The following C7orf78 variants were observed in gnomAD, a reference collection of about 807,000 sequenced individuals.
C7orf78 encodes the protein putative uncharacterized protein C7orf78.
the C7orf78 span, among the ~76,000 whole-genome samples, chr7:12,520,207 T>C: frequency 6.6e-6 from 1 of 152,230 alleles, no homozygotes; most frequent in Non-Finnish European, 1.5e-5. Flanking sequence ...ATTTCTCTTT[T>C]GGACTCCGGT....
the C7orf78 span, among the ~76,000 whole-genome samples, chr7:12,506,360 C>T: frequency 8.4e-6 from 1 of 119,498 alleles, no homozygotes; most frequent in Non-Finnish European, 1.8e-5. Flanking sequence ...TATTACGGCA[C>T]TATTCACAAT....
At chr7:12,510,530 C>G in the C7orf78 span, among the ~76,000 whole-genome samples, 3 of 152,294 alleles carry the variant, frequency 2.0e-5, no homozygotes, top group African/African-American at 7.2e-5. Flanking sequence ...TTCTCACCAA[C>G]AGTGTATACA....
the C7orf78 span, among the ~76,000 whole-genome samples, chr7:12,499,475 G>C: frequency 8.0e-4 from 119 of 148,438 alleles, no homozygotes; most frequent in Non-Finnish European, 1.3e-3. Flanking sequence ...GATCAAAAGA[G>C]ACAAAGAAGG....
chr7:12,530,863 C>T, the C7orf78 span: 120 of 390,788 alleles, frequency 3.1e-4, 2 homozygotes, highest in African/African-American at 2.2e-3. Flanking sequence ...GCTTCGTAAG[C>T]CCTTTATGTC....
chr7:12,509,890 C>G, the C7orf78 span, among the ~76,000 whole-genome samples: 1 of 151,942 alleles, frequency 6.6e-6, no homozygotes, highest in South Asian at 2.1e-4. Context: ...AAAAATTAGC[C>G]GGGCGTGGTG....
the C7orf78 span, among the ~76,000 whole-genome samples, chr7:12,524,088 T>A: frequency 6.6e-6 from 1 of 152,140 alleles, no homozygotes; most frequent in Non-Finnish European, 1.5e-5. Flanking sequence ...GATAAAAGAA[T>A]AAGTGTATTC....
the C7orf78 span, among the ~76,000 whole-genome samples, chr7:12,519,782 A>G: frequency 2.9e-4 from 44 of 152,272 alleles, no homozygotes; most frequent in Middle Eastern, 3.4e-3. Flanking sequence ...GGCTCAGCCA[A>G]TGCTGTGCCT....
the C7orf78 span, among the ~76,000 whole-genome samples, chr7:12,489,848 C>A: frequency 6.6e-6 from 1 of 151,854 alleles, no homozygotes; most frequent in Middle Eastern, 3.4e-3. Flanking sequence ...AGTAATGAAG[C>A]TGGCAGGAGA....
the C7orf78 span, among the ~76,000 whole-genome samples, chr7:12,511,378 G>A: frequency 5.3e-5 from 8 of 151,990 alleles, no homozygotes; most frequent in Admixed American, 2.0e-4. Flanking sequence ...ATCTTTTATG[G>A]TTATGAAAGA....
chr7:12,518,995 TGG>T, the C7orf78 span, among the ~76,000 whole-genome samples: 1 of 152,094 alleles, frequency 6.6e-6, no homozygotes, highest in African/African-American at 2.4e-5. Context: ...GCTGCTGGTA[TGG>T]GCTGGATTGG....
At chr7:12,539,308 C>A in the C7orf78 span, among the ~76,000 whole-genome samples, 1 of 151,936 alleles carries the variant, frequency 6.6e-6, no homozygotes. Context: ...ACTAAAAATA[C>A]AAAAAATTAG....
the C7orf78 span, chr7:12,484,096 T>C: frequency 5.9e-5 from 9 of 152,156 alleles, no homozygotes; most frequent in Non-Finnish European, 1.2e-4. Context: ...AAATAAGCTC[T>C]GAAAAAGGGA....
chr7:12,508,119 G>C, the C7orf78 span, among the ~76,000 whole-genome samples: 1 of 152,182 alleles, frequency 6.6e-6, no homozygotes, highest in Non-Finnish European at 1.5e-5. Context: ...TGAACTGACT[G>C]AGAATTCTAA....
chr7:12,506,451 C>T, the C7orf78 span, among the ~76,000 whole-genome samples: 1 of 152,152 alleles, frequency 6.6e-6, no homozygotes, highest in Non-Finnish European at 1.5e-5. Flanking sequence ...CCATGAAATA[C>T]TATGCAGCCA....
chr7:12,489,164 G>C, the C7orf78 span, among the ~76,000 whole-genome samples: 6 of 151,830 alleles, frequency 4.0e-5, no homozygotes, highest in African/African-American at 1.4e-4. Context: ...AAAAAGCAAG[G>C]GACATCTGTC....
At chr7:12,538,220 A>G in the C7orf78 span, 1 of 152,214 alleles carries the variant, frequency 6.6e-6, no homozygotes, top group Non-Finnish European at 1.5e-5. Flanking sequence ...AAAAGAAAGA[A>G]AGAAAGCCTC....
At chr7:12,494,161 G>T in the C7orf78 span, among the ~76,000 whole-genome samples, 1 of 152,160 alleles carries the variant, frequency 6.6e-6, no homozygotes, top group African/African-American at 2.4e-5. Flanking sequence ...GTGGAGGAAG[G>T]GACCAAGAGG....
the C7orf78 span, among the ~76,000 whole-genome samples, chr7:12,513,868 T>C: frequency 1.6e-3 from 250 of 152,080 alleles, 1 homozygote; most frequent in African/African-American, 2.1e-3. Flanking sequence ...GGCGTGGTGG[T>C]GGGTGCCTGT....
At chr7:12,486,987 T>G in the C7orf78 span, 118 of 152,132 alleles carry the variant, frequency 7.8e-4, no homozygotes, top group Non-Finnish European at 1.4e-3. Flanking sequence ...GAGTGCAATT[T>G]AACATATCTC....
Sources: allele counts gnomAD v4.1 joint callset (sites outside exome capture counted in the v4.1 genomes callset), GRCh38; gene constraint gnomAD v4.1.1; transcripts MANE v1.5; gene names NCBI Gene and HGNC (gene_info 2026-07-23, HGNC 2026-07-21).